MARCHF4: variants seen among roughly 807,000 people sequenced by gnomAD.
MARCHF4 encodes membrane associated ring-CH-type finger 4.
Under a neutral mutation model 43.9 loss-of-function variants are expected in MARCHF4, and 14 were observed. That is an observed-to-expected ratio of 0.32 (90% CI 0.21 to 0.50). The LOEUF is 0.50. MARCHF4 is among the 20% of genes least tolerant of loss of function. MARCHF4 has a pLI of 0.98. For synonymous variants in MARCHF4, 226 were observed against 213.3 expected (o/e 1.06, Z -0.52); for missense variants, 468 against 536.7 (o/e 0.87, Z 1.27).
intron 1 of MARCHF4, among the ~76,000 whole-genome samples, chr2:216,310,537 C>T (rs762766588): frequency 6.6e-6 from 1 of 152,174 alleles, no homozygotes; most frequent in Non-Finnish European, 1.5e-5. Context: ...ATTAAGATTA[C>T]AGGTGTGAGC....
chr2:216,277,592 A>G, intron 3 of MARCHF4, 80 bp downstream of exon 3: 1 of 1,419,730 alleles, frequency 7.0e-7, no homozygotes, highest in Non-Finnish European at 9.5e-7. Flanking sequence ...AGCCTCCCAC[A>G]GTGGGGGATC....
intron 1 of MARCHF4, among the ~76,000 whole-genome samples, chr2:216,319,364 CA>C (rs765170943): frequency 6.6e-6 from 1 of 151,932 alleles, no homozygotes. Context: ...GGGCAATGGA[CA>C]GGGGGTGCTT....
At chr2:216,334,295 C>T (rs1032620138) in intron 1 of MARCHF4, among the ~76,000 whole-genome samples, 6 of 152,172 alleles carry the variant, frequency 3.9e-5, no homozygotes, top group Non-Finnish European at 8.8e-5. Flanking sequence ...CGCTAGCCAG[C>T]AAGAAAACAG....
intron 1 of MARCHF4, among the ~76,000 whole-genome samples, chr2:216,307,248 C>T (rs1455923162): frequency 6.6e-6 from 1 of 152,094 alleles, no homozygotes; most frequent in Non-Finnish European, 1.5e-5. Context: ...AGGGGCTCAA[C>T]CGCTGGCTGA....
At chr2:216,292,923 CCTTCTTTCCAACAAAGAT>C (rs1402472267) in intron 1 of MARCHF4, among the ~76,000 whole-genome samples, 2 of 152,134 alleles carry the variant, frequency 1.3e-5, no homozygotes, top group Non-Finnish European at 2.9e-5. Context: ...ATCATGAAGA[CCTTCTTTCCAACAAAGAT>C]TGTGGAGGAG....
At chr2:216,270,671 C>G (rs1368768177) in intron 3 of MARCHF4, among the ~76,000 whole-genome samples, 1 of 152,098 alleles carries the variant, frequency 6.6e-6, no homozygotes, top group African/African-American at 2.4e-5. Flanking sequence ...TAAGGTTAGT[C>G]CTTTTGTTGT....
rs543557662 is a variant in MARCHF4 at position 216,370,192 on chromosome 2, T to A, written c.69A>T (p.Gly23=). The part of the protein sequence containing the change: ...WCCCSGWYCY[G]LCAPAPQMLR... Reference sequence around the variant, plus strand: ...ACATCTGGGGGGCTGGGGCACACAATCCATAGCAGTACCAGCCGGAGCAGC... The same window carrying A: ...ACATCTGGGGGGCTGGGGCACACAAACCATAGCAGTACCAGCCGGAGCAGC... Residue 23 remains glycine (G), a synonymous_variant, in exon 1 of 4, where the codon GGA becomes GGT. Coordinates refer to ENST00000273067, the MANE Select transcript of MARCHF4 (RefSeq NM_020814.3). 2 of 1,612,732 alleles carry A rather than the reference T, an allele frequency of 1.2e-6. No individual in the cohort carries two copies. The highest frequency in any genetic ancestry group is 4.5e-5 in the East Asian group (2 of 44,840).
At chr2:216,314,435 C>T (rs1691739568) in intron 1 of MARCHF4, among the ~76,000 whole-genome samples, 1 of 151,860 alleles carries the variant, frequency 6.6e-6, no homozygotes, top group Admixed American at 6.6e-5. Flanking sequence ...GCAATTCTCC[C>T]ACTGCAGTCT....
At chr2:216,272,272 A>C (rs1233054168) in intron 3 of MARCHF4, among the ~76,000 whole-genome samples, 1 of 152,180 alleles carries the variant, frequency 6.6e-6, no homozygotes, top group Non-Finnish European at 1.5e-5. Context: ...ATAAACCATA[A>C]AATTTCATCT....
At position 216,263,512 on chromosome 2, in the gene MARCHF4, AGAG is replaced by A. The variant is rs1559280534; in HGVS notation, c.866-3836_866-3834del. Among the ~76,000 whole-genome samples, 389 of 144,956 alleles carry A rather than the reference AGAG, an allele frequency of 2.7e-3. 3 individuals carry two copies. The highest frequency in any genetic ancestry group is 9.4e-3 in the African/African-American group (374 of 39,580). ...GAGAGAAAGAGAGAGAGAGAGAGAG[AGAG>A]AGAGAGAGAGAGAGAGAGAGAGAAA... On this transcript the variant is annotated intron_variant, in intron 3 of 3. Coordinates refer to ENST00000273067, the MANE Select transcript of MARCHF4 (RefSeq NM_020814.3).
chr2:216,270,080 A>AT (rs1406705813), intron 3 of MARCHF4, among the ~76,000 whole-genome samples: 3 of 123,236 alleles, frequency 2.4e-5, no homozygotes, highest in Admixed American at 1.5e-4. Flanking sequence ...ATCCACCAGA[A>AT]ATTTTTTTTT....
At chr2:216,361,710 A>G (rs1692582045) in intron 1 of MARCHF4, among the ~76,000 whole-genome samples, 1 of 152,170 alleles carries the variant, frequency 6.6e-6, no homozygotes, top group Non-Finnish European at 1.5e-5. Context: ...GGTCCAAAAC[A>G]TGTATCCCTG....
intron 1 of MARCHF4, among the ~76,000 whole-genome samples, chr2:216,359,067 A>G (rs1261832810): frequency 2.0e-5 from 3 of 152,226 alleles, no homozygotes; most frequent in African/African-American, 7.2e-5. Flanking sequence ...TAGCTGGGTA[A>G]CAGACAAACC....
chr2:216,328,359 G>C (rs1220850239), intron 1 of MARCHF4, among the ~76,000 whole-genome samples: 1 of 152,174 alleles, frequency 6.6e-6, no homozygotes, highest in African/African-American at 2.4e-5. Context: ...TAGAGACGGG[G>C]TTTCACCATG....
intron 3 of MARCHF4, among the ~76,000 whole-genome samples, chr2:216,264,352 C>G (rs557150792): frequency 6.6e-6 from 1 of 152,328 alleles, no homozygotes; most frequent in African/African-American, 2.4e-5. Flanking sequence ...ACCCTCTGCT[C>G]TGGCCTGAGA....
intron 3 of MARCHF4, among the ~76,000 whole-genome samples, chr2:216,259,935 T>C (rs1173303160): frequency 1.3e-5 from 2 of 152,162 alleles, no homozygotes; most frequent in Non-Finnish European, 2.9e-5. Context: ...CCCCACCCCC[T>C]TCCTGCCTCG....
At position 216,339,380 on chromosome 2, in the gene MARCHF4, C is replaced by G. The variant is rs528454338; in HGVS notation, c.516+30365G>C. ...CCATTGGGAAAAAGCCCATAATCCC[C>G]TTGGGAAATCCACCCATCCTTCAGG... On this transcript the variant is annotated intron_variant, in intron 1 of 3. Coordinates refer to ENST00000273067, the MANE Select transcript of MARCHF4 (RefSeq NM_020814.3). Among the ~76,000 whole-genome samples, 5 of 152,344 alleles carry G rather than the reference C, an allele frequency of 3.3e-5. No homozygotes were observed. In the East Asian group the frequency reaches 9.7e-4, roughly 29 times the overall value.
chr2:216,301,925 G>A (rs1691498262), intron 1 of MARCHF4, among the ~76,000 whole-genome samples: 1 of 152,252 alleles, frequency 6.6e-6, no homozygotes, highest in Non-Finnish European at 1.5e-5. Flanking sequence ...ACATGTCTTC[G>A]TGATTCCTTC....
At chr2:216,318,677 G>A (rs573612845) in intron 1 of MARCHF4, among the ~76,000 whole-genome samples, 19 of 152,264 alleles carry the variant, frequency 1.2e-4, no homozygotes, top group African/African-American at 4.6e-4. Context: ...AGGCTGCCGT[G>A]AATGAGAATG....
Sources: gnomAD v4.1 joint callset for allele counts (sites outside exome capture counted in the v4.1 genomes callset) on GRCh38, gnomAD v4.1.1 for gene constraint, MANE v1.5 for transcripts, NCBI Gene and HGNC (gene_info 2026-07-23, HGNC 2026-07-21) for gene names.